HCRTR1: variants seen among roughly 807,000 people sequenced by gnomAD.
HCRTR1 encodes orexin/Hypocretin receptor type 1.
Under a neutral mutation model 40.6 loss-of-function variants are expected in HCRTR1, and 28 were observed. The ratio of observed to expected loss-of-function variants is 0.69; its 90% CI spans 0.51 to 0.95. HCRTR1 has a LOEUF of 0.95. HCRTR1 is among the 40% of genes least tolerant of loss of function. The pLI is 0.00. For synonymous variants in HCRTR1, 209 were observed against 230.0 expected (o/e 0.91, Z 0.83); for missense variants, 482 against 564.7 (o/e 0.85, Z 1.48).
Position 31,625,578 on chromosome 1 carries a change from G to C in HCRTR1, c.1087+460G>C, listed in dbSNP as rs1200624563. On this transcript the variant is annotated intron_variant, in intron 8 of 8. Transcript: ENST00000403528. The surrounding 1 kb of genome is among the most constrained non-coding windows in gnomAD (Gnocchi z 4.2). The stretch of plus-strand genomic sequence containing the variant: ...CACTCTGAGAGACAAGCCAGGCCCA[G>C]GGAAGGGCTTCGCCGGCTCAGCTAG... Among the ~76,000 whole-genome samples, 1 of 152,240 alleles carries C rather than the reference G, an allele frequency of 6.6e-6. No homozygotes were observed. Among genetic ancestry groups the C allele is most frequent in the African/African-American group, 2.4e-5 (1 of 41,470 alleles).
In HCRTR1 at chr1:31,627,028, C is replaced by T. The variant is rs1224888018; in HGVS notation, c.*48C>T. 4 of 1,568,090 alleles carry T rather than the reference C, an allele frequency of 2.6e-6. No homozygotes were observed. Among genetic ancestry groups the T allele is most frequent in the African/African-American group, 1.4e-5 (1 of 73,978 alleles). The stretch of plus-strand genomic sequence containing the variant: ...CGGCTCGGGGGATCTGCCCCTACCC[C>T]TCATGGAAAGACAGCTGGATGTGGT... On this transcript the variant is annotated 3_prime_UTR_variant, in exon 9 of 9. Coordinates refer to ENST00000403528, the MANE Select transcript of HCRTR1 (RefSeq NM_001525.3).
downstream of HCRTR1, among the ~76,000 whole-genome samples, chr1:31,631,915 C>T (rs1178077400): frequency 9.3e-6 from 1 of 108,074 alleles, no homozygotes; most frequent in Admixed American, 9.2e-5. Context: ...GCAAAGCTCC[C>T]TCTTGGGTCC....
downstream of HCRTR1, chr1:31,632,371 G>T: frequency 6.6e-7 from 1 of 1,512,532 alleles, no homozygotes; most frequent in Non-Finnish European, 9.2e-7. Context: ...CCTGCACTGA[G>T]AACAGCATTT....
chr1:31,618,275 A>T (rs1024748880), intron 1 of HCRTR1: 1 of 152,176 alleles, frequency 6.6e-6, no homozygotes, highest in Admixed American at 6.5e-5. Flanking sequence ...GGCTGGATTT[A>T]TGAATGGAGA....
chr1:31,623,055 G>A (rs993394337), intron 6 of HCRTR1, among the ~76,000 whole-genome samples: 5 of 152,160 alleles, frequency 3.3e-5, no homozygotes, highest in African/African-American at 7.2e-5. Flanking sequence ...TAGGCTGGGC[G>A]CAGTGGCTCA....
chr1:31,619,634 C>G lies in HCRTR1; in HGVS notation c.302C>G (p.Pro101Arg). 6.2e-7 allele frequency: 1 copy of G among 1,613,998 alleles called. No homozygotes were observed. The change falls in exon 4 of 9, where the codon CCG becomes CGG. Residue 101 changes from proline to arginine, a missense_variant. Pro to Arg is a moderately radical substitution (Grantham distance 103). Coordinates refer to ENST00000403528, the MANE Select transcript of HCRTR1 (RefSeq NM_001525.3). The stretch of plus-strand genomic sequence containing the variant: ...GTTCTGGTGACTGCTATCTGCCTGC[C>G]GGCCAGCCTGCTGGTGGACATCACT... ...ADVLVTAICL[P>R]ASLLVDITES... is the part of the protein sequence containing the mutation.
At chr1:31,618,952 A>G in intron 2 of HCRTR1, 99 bp from the exon 3 acceptor site, 1 of 541,098 alleles carries the variant, frequency 1.8e-6, no homozygotes, top group Non-Finnish European at 3.3e-6. Context: ...CATGACTGTG[A>G]GAATTAAGAG....
In HCRTR1 at chr1:31,627,285, G is replaced by T. The variant is rs1489325916; in HGVS notation, c.*305G>T. 22 of 1,388,236 alleles carry T rather than the reference G, an allele frequency of 1.6e-5. No individual in the cohort carries two copies. Among genetic ancestry groups the T allele is most frequent in the Non-Finnish European group, 2.1e-5 (22 of 1,053,366 alleles). 86.0% of individuals were successfully genotyped at this position (1,388,236 alleles called of 1,614,324 possible). A position where few individuals can be genotyped will look rare whatever the true frequency, so the allele number is the denominator to read the frequency against. Reference sequence around the variant, plus strand: ...GTCCCCATCCTCCTTCCAGAGCTTGGTCATCCTCCTAAAGACCCCTTTCCT... The same window carrying T: ...GTCCCCATCCTCCTTCCAGAGCTTGTTCATCCTCCTAAAGACCCCTTTCCT... On this transcript the variant is annotated 3_prime_UTR_variant, in exon 9 of 9. Coordinates refer to ENST00000403528, the MANE Select transcript of HCRTR1 (RefSeq NM_001525.3).
In HCRTR1 at chr1:31,619,132, G is replaced by T; in HGVS notation, c.-61G>T. 1 of 1,481,232 alleles carries T rather than the reference G, an allele frequency of 6.8e-7. No homozygotes were observed. Among genetic ancestry groups the T allele is most frequent in the South Asian group, 1.2e-5 (1 of 84,350 alleles). 91.8% of individuals were successfully genotyped at this position (1,481,232 alleles called of 1,614,324 possible). A position where few individuals can be genotyped will look rare whatever the true frequency, so the allele number is the denominator to read the frequency against. On this transcript the variant is annotated 5_prime_UTR_variant, in exon 3 of 9. Transcript: ENST00000403528. ...GGGAGTGGGCTGAGGGCTGGCCCAA[G>T]CTCCCTCCTCTCCCTCTGTAGAGCC...
In HCRTR1 at chr1:31,621,593, G is replaced by C; in HGVS notation, c.738+1G>C. 6.2e-7 allele frequency: 1 copy of C among 1,607,026 alleles called. No homozygotes were observed. Among genetic ancestry groups the C allele is most frequent in the Non-Finnish European group, 8.5e-7 (1 of 1,175,242 alleles). ...ATTCCGCAAGCTCTGGGGCCGCCAGGTGAGGCCCACTCTGGGCAGGGGCTA... is the reference window on the plus strand; with the variant it reads ...ATTCCGCAAGCTCTGGGGCCGCCAGCTGAGGCCCACTCTGGGCAGGGGCTA... On this transcript the variant is annotated splice_donor_variant, in intron 6 of 8. Transcript: ENST00000403528. LOFTEE classifies it high-confidence loss of function.
downstream of HCRTR1, chr1:31,630,913 T>C (rs1640083252): frequency 1.6e-6 from 2 of 1,280,590 alleles, no homozygotes; most frequent in Admixed American, 3.9e-5. Flanking sequence ...TCAGGAATAC[T>C]GGATCACAAC....
chr1:31,621,168 G>T, intron 5 of HCRTR1, 82 bp downstream of exon 5: 19 of 1,503,700 alleles, frequency 1.3e-5, no homozygotes, highest in Non-Finnish European at 1.7e-5. Context: ...ATCTAGCAGG[G>T]TCCCTTCCAA....
At chr1:31,628,293 C>T (rs1159969359), downstream of HCRTR1, among the ~76,000 whole-genome samples, 1 of 152,232 alleles carries the variant, frequency 6.6e-6, no homozygotes. Context: ...CTAAGCACCC[C>T]GCTTTACCCA....
At chr1:31,630,612 G>A, downstream of HCRTR1, 2 of 1,612,080 alleles carry the variant, frequency 1.2e-6, no homozygotes, top group Non-Finnish European at 1.7e-6. Context: ...AGATGGTTGG[G>A]TCATAGCATC....
At chr1:31,633,803 A>C (rs1275367256), downstream of HCRTR1, among the ~76,000 whole-genome samples, 1 of 152,130 alleles carries the variant, frequency 6.6e-6, no homozygotes, top group Non-Finnish European at 1.5e-5. Flanking sequence ...TAAAAATAGA[A>C]AATTAGCCGG....
intron 4 of HCRTR1, 46 bp from the exon 5 acceptor site, chr1:31,620,797 G>T: frequency 1.3e-6 from 2 of 1,590,752 alleles, no homozygotes; most frequent in Non-Finnish European, 1.7e-6. Flanking sequence ...CTCTCACATC[G>T]CTGGGTGGCC....
intron 6 of HCRTR1, among the ~76,000 whole-genome samples, chr1:31,622,465 C>A (rs1639876514): frequency 6.6e-6 from 1 of 152,016 alleles, no homozygotes; most frequent in African/African-American, 2.4e-5. Flanking sequence ...TCCAGTAGGA[C>A]CCTTCCTGAC....
downstream of HCRTR1, chr1:31,630,103 A>G (rs767844092): frequency 5.2e-5 from 9 of 174,562 alleles, no homozygotes; most frequent in Non-Finnish European, 1.0e-4. Flanking sequence ...AGGCAGCTAG[A>G]AGTTAACACA....
intron 4 of HCRTR1, 90 bp from the exon 5 acceptor site, chr1:31,620,753 C>T (rs763830414): frequency 7.9e-6 from 12 of 1,523,612 alleles, no homozygotes; most frequent in Non-Finnish European, 1.1e-5. Flanking sequence ...ATTTGCACTG[C>T]CCTGCACCTG....
Sources: gnomAD v4.1 joint callset for allele counts (sites outside exome capture counted in the v4.1 genomes callset) on GRCh38, gnomAD v4.1.1 for gene constraint, Gnocchi (gnomAD v3.1) non-coding constraint, MANE v1.5 for transcripts, NCBI Gene and HGNC (gene_info 2026-07-23, HGNC 2026-07-21) for gene names.